Variants in UBE2E2 observed in about 807,000 individuals in gnomAD.
The protein encoded by UBE2E2 is ubiquitin-conjugating enzyme E2 E2.
UBE2E2 carries 6 observed loss-of-function variants against 24.7 expected under a neutral mutation model. That is an observed-to-expected ratio of 0.24 (90% CI 0.13 to 0.48). UBE2E2 has a LOEUF of 0.48. Ranked by LOEUF, UBE2E2 falls within the 20% of genes least tolerant of loss-of-function variation. The pLI, the probability that UBE2E2 is intolerant of heterozygous loss-of-function variation, is 0.99. For synonymous variants in UBE2E2, 104 were observed against 83.6 expected (o/e 1.24, Z -1.33); for missense variants, 169 against 245.0 (o/e 0.69, Z 2.07).
At chr3:23,321,213 C>T (rs778144390) in intron 3 of UBE2E2, among the ~76,000 whole-genome samples, 2 of 152,126 alleles carry the variant, frequency 1.3e-5, no homozygotes, top group Middle Eastern at 3.2e-3. Flanking sequence ...GGTTTAGGGT[C>T]GACTCTGATT....
chr3:23,393,091 C>G (rs886912709), intron 3 of UBE2E2, among the ~76,000 whole-genome samples: 1 of 152,184 alleles, frequency 6.6e-6, no homozygotes, highest in African/African-American at 2.4e-5. Context: ...ACAGAGATCC[C>G]TCTACATGCG....
intron 5 of UBE2E2, chr3:23,534,339 T>C (rs1695203524): frequency 1.3e-6 from 1 of 747,078 alleles, no homozygotes; most frequent in African/African-American, 1.9e-5. Flanking sequence ...GTTTTTTTTT[T>C]TTGCTCCGTT....
At chr3:23,361,666 A>G (rs1696117200) in intron 3 of UBE2E2, among the ~76,000 whole-genome samples, 1 of 152,108 alleles carries the variant, frequency 6.6e-6, no homozygotes, top group Non-Finnish European at 1.5e-5. Context: ...GATGTTGGGG[A>G]CTCAAGGAAA....
chr3:23,535,518 T>G (rs1695235515), intron 5 of UBE2E2, among the ~76,000 whole-genome samples: 1 of 151,814 alleles, frequency 6.6e-6, no homozygotes, highest in South Asian at 2.1e-4. Flanking sequence ...GCACCAGCAA[T>G]AATCATTCTG....
In UBE2E2 at chr3:23,420,701, A is replaced by G. The variant is rs527906918; in HGVS notation, c.228-78907A>G. 1.1e-4 allele frequency among the ~76,000 whole-genome samples: 16 copies of G among 152,356 alleles called. No homozygotes were observed. In the East Asian group the frequency reaches 1.2e-3, roughly 11 times the overall value. On this transcript the variant is annotated intron_variant, in intron 3 of 5. Coordinates refer to ENST00000396703, the MANE Select transcript of UBE2E2 (RefSeq NM_152653.4). The stretch of plus-strand genomic sequence containing the variant: ...TGTAAAGAGGCAAGAATATTTACTA[A>G]GAGTTGAATCATGATATGTTTTTTT...
intron 3 of UBE2E2, among the ~76,000 whole-genome samples, chr3:23,269,033 A>C (rs1328817402): frequency 6.6e-6 from 1 of 151,824 alleles, no homozygotes; most frequent in Non-Finnish European, 1.5e-5. Context: ...CCTTCCTTAC[A>C]CCTTATACAA....
chr3:23,378,236 TAAA>T (rs56808350), intron 3 of UBE2E2, among the ~76,000 whole-genome samples: 4 of 118,070 alleles, frequency 3.4e-5, no homozygotes, highest in Non-Finnish European at 6.9e-5. Flanking sequence ...AAATAAGCAG[TAAA>T]AAAAAAAAAA....
intron 3 of UBE2E2, among the ~76,000 whole-genome samples, chr3:23,311,326 A>T (rs1432749307): frequency 6.6e-6 from 1 of 152,230 alleles, no homozygotes. Flanking sequence ...ATACGTGTGC[A>T]TGTGTCTTTA....
At chr3:23,577,204 G>A (rs536307899) in intron 5 of UBE2E2, among the ~76,000 whole-genome samples, 117 of 152,126 alleles carry the variant, frequency 7.7e-4, no homozygotes, top group African/African-American at 2.8e-3. Flanking sequence ...ATTGAGGAAA[G>A]CATGTCAAAA....
chr3:23,273,402 A>G (rs897951622), intron 3 of UBE2E2, among the ~76,000 whole-genome samples: 3 of 152,068 alleles, frequency 2.0e-5, no homozygotes, highest in Admixed American at 1.3e-4. Flanking sequence ...GTGATGGCGG[A>G]CGCCTGTAGT....
chr3:23,584,783 C>G (rs1696579978), intron 5 of UBE2E2, among the ~76,000 whole-genome samples: 1 of 138,232 alleles, frequency 7.2e-6, no homozygotes, highest in African/African-American at 2.7e-5. Context: ...GTTGCCCAGG[C>G]TTGGTCTCAA....
At chr3:23,452,813 A>G (rs185265594) in intron 3 of UBE2E2, among the ~76,000 whole-genome samples, 332 of 152,096 alleles carry the variant, frequency 2.2e-3, no homozygotes, top group Non-Finnish European at 3.5e-3. Context: ...ATTTACTACA[A>G]AATGCCTATG....
chr3:23,567,511 C>G (rs376852258), intron 5 of UBE2E2, among the ~76,000 whole-genome samples: 1 of 152,122 alleles, frequency 6.6e-6, no homozygotes, highest in South Asian at 2.1e-4. Flanking sequence ...GAAGACCAAG[C>G]AAAAGGTCAC....
intron 3 of UBE2E2, among the ~76,000 whole-genome samples, chr3:23,435,807 G>A (rs1319288054): frequency 2.0e-5 from 3 of 152,190 alleles, no homozygotes; most frequent in Admixed American, 2.0e-4. Context: ...ATTCATGAGA[G>A]CAGAGTGGAG....
chr3:23,483,963 G>A (rs531517644), intron 3 of UBE2E2, among the ~76,000 whole-genome samples: 1 of 152,168 alleles, frequency 6.6e-6, no homozygotes, highest in Non-Finnish European at 1.5e-5. Context: ...GCTGGGGAGG[G>A]AGCAGCGAAC....
At chr3:23,403,602 C>T (rs139456405) in intron 3 of UBE2E2, among the ~76,000 whole-genome samples, 18 of 152,208 alleles carry the variant, frequency 1.2e-4, no homozygotes, top group African/African-American at 4.3e-4. Flanking sequence ...GAGTGGATCA[C>T]CCAAGGTCAG....
chr3:23,483,788 C>G (rs1699305029), intron 3 of UBE2E2, among the ~76,000 whole-genome samples: 1 of 152,210 alleles, frequency 6.6e-6, no homozygotes, highest in Non-Finnish European at 1.5e-5. Flanking sequence ...TTCATCTGGT[C>G]TGATTTGGGA....
At position 23,589,699 on chromosome 3, in the gene UBE2E2, G is replaced by A. The variant is rs1696717003; in HGVS notation, c.509-35G>A. ...GAACACTTCTTCCCCCACAGTGCTGGTATTTACTGACTCCCAACTCTGCTT... is the reference window on the plus strand; with the variant it reads ...GAACACTTCTTCCCCCACAGTGCTGATATTTACTGACTCCCAACTCTGCTT... On this transcript the variant is annotated intron_variant, in intron 5 of 5. Coordinates refer to ENST00000396703, the MANE Select transcript of UBE2E2 (RefSeq NM_152653.4). This position sits in a 1 kb window ranked among gnomAD's most constrained non-coding sequence, Gnocchi z 4.1. 7 of 1,608,400 alleles carry A rather than the reference G, an allele frequency of 4.4e-6. No homozygotes were observed. Among genetic ancestry groups the A allele is most frequent in the Non-Finnish European group, 6.0e-6 (7 of 1,175,200 alleles).
At chr3:23,241,178 A>C (rs1366051473) in intron 3 of UBE2E2, among the ~76,000 whole-genome samples, 1 of 152,002 alleles carries the variant, frequency 6.6e-6, no homozygotes, top group African/African-American at 2.4e-5. Context: ...CTCTCACTCT[A>C]CGTTCATTCT....
Sources: allele counts gnomAD v4.1 joint callset (sites outside exome capture counted in the v4.1 genomes callset), GRCh38; gene constraint gnomAD v4.1.1; non-coding constraint Gnocchi (gnomAD v3.1); transcripts MANE v1.5; gene names NCBI Gene and HGNC (gene_info 2026-07-23, HGNC 2026-07-21).